MAST3: variants seen among roughly 807,000 people sequenced by gnomAD.
The protein encoded by MAST3 is microtubule associated serine/threonine kinase 3, also known as microtubule-associated serine/threonine-protein kinase 3.
MAST3 carries 43 observed loss-of-function variants against 127.0 expected under a neutral mutation model. The ratio of observed to expected loss-of-function variants is 0.34; its 90% CI spans 0.27 to 0.44. The LOEUF (loss-of-function observed/expected upper bound fraction) is 0.44, where lower values mean the gene tolerates loss of function less well. Among genes scored for constraint, MAST3 ranks in the 20% least tolerant of loss-of-function variants. The pLI is 1.00. For synonymous variants in MAST3, 785 were observed against 809.2 expected (o/e 0.97, Z 0.51); for missense variants, 1,390 against 1,919.1 (o/e 0.72, Z 5.15).
In MAST3 at chr19:18,139,080, A is replaced by G. The variant is rs769093451; in HGVS notation, c.2161A>G (p.Thr721Ala). ...DDETNDEESS[T>A]EIPQFSSCSH... Reference sequence around the variant, plus strand: ...CGAGACCAATGATGAAGAATCGTCCACAGAGATCCCCCAGTTCTCCTCCTG... The same window carrying G: ...CGAGACCAATGATGAAGAATCGTCCGCAGAGATCCCCCAGTTCTCCTCCTG... The change falls in exon 20 of 28, where the codon ACA becomes GCA. Residue 721 changes from threonine to alanine, a missense_variant. Around this residue, in one of 5 missense-constraint regions of MAST3, gnomAD observed 816 missense variants for 934.1 expected, o/e 0.87. Coordinates refer to ENST00000687212, the MANE Select transcript of MAST3 (RefSeq NM_001393504.1). The G allele has an allele frequency of 3.7e-6, 6 of 1,605,402 alleles. No homozygotes were observed. In the South Asian group the frequency reaches 6.7e-5, roughly 18 times the overall value.
intron 1 of MAST3, among the ~76,000 whole-genome samples, chr19:18,101,336 T>TTCCTCC (rs147438175): frequency 5.6e-4 from 80 of 144,112 alleles, no homozygotes; most frequent in South Asian, 8.7e-4. Flanking sequence ...TCCACTTATT[T>TTCCTCC]TCCTCCTCCT....
At chr19:18,139,188 G>A (rs891331398) in intron 20 of MAST3, 64 bp downstream of exon 20, 43 of 1,245,232 alleles carry the variant, frequency 3.5e-5, no homozygotes, top group African/African-American at 1.0e-4. Flanking sequence ...GTTTGCTTTC[G>A]TATCTGTTTT....
At chr19:18,133,312 T>C (rs776049160) in intron 15 of MAST3, among the ~76,000 whole-genome samples, 2 of 152,178 alleles carry the variant, frequency 1.3e-5, no homozygotes, top group Admixed American at 6.6e-5. Context: ...ACCAGGTGTA[T>C]ACAAAATAGG....
At chr19:18,133,685 C>T (rs545617257) in intron 15 of MAST3, among the ~76,000 whole-genome samples, 10 of 150,928 alleles carry the variant, frequency 6.6e-5, no homozygotes, top group Non-Finnish European at 1.2e-4. Context: ...TTCCAATTAG[C>T]TGGGATTACA....
At chr19:18,128,254 G>A in intron 11 of MAST3, 146 bp from the exon 12 acceptor site, 2 of 601,260 alleles carry the variant, frequency 3.3e-6, no homozygotes, top group East Asian at 5.5e-5. Context: ...TCCCGGATGT[G>A]GCTTCATGAC....
chr19:18,142,571 C>T (rs934754201), intron 21 of MAST3, among the ~76,000 whole-genome samples: 4 of 151,486 alleles, frequency 2.6e-5, no homozygotes, highest in Non-Finnish European at 4.4e-5. Context: ...AGGATGGTCT[C>T]GGTCTCCTGA....
chr19:18,127,576 C>T (rs897319275), intron 11 of MAST3, among the ~76,000 whole-genome samples: 1 of 151,906 alleles, frequency 6.6e-6, no homozygotes, highest in Admixed American at 6.6e-5. Flanking sequence ...CCCAGCCACT[C>T]GGGAGGCTGA....
chr19:18,123,564 G>A lies in MAST3; in HGVS notation c.558-16G>A, dbSNP rs752529024. 2.1e-5 allele frequency: 33 copies of A among 1,546,480 alleles called. No homozygotes were observed. Among genetic ancestry groups the A allele is most frequent in the Non-Finnish European group, 2.5e-5 (29 of 1,146,664 alleles). ...GTCTCAGGTCCCATATCACAAGCCAGCTGTCTTCCTTTCAGCCCGGGCCGT... is the reference window on the plus strand; with the variant it reads ...GTCTCAGGTCCCATATCACAAGCCAACTGTCTTCCTTTCAGCCCGGGCCGT... On this transcript the variant is annotated splice_polypyrimidine_tract_variant and intron_variant, in intron 7 of 27. Coordinates refer to ENST00000687212, the MANE Select transcript of MAST3 (RefSeq NM_001393504.1).
chr19:18,142,218 T>G (rs2042566525), intron 21 of MAST3, among the ~76,000 whole-genome samples: 1 of 152,148 alleles, frequency 6.6e-6, no homozygotes, highest in Non-Finnish European at 1.5e-5. Context: ...CTGTGTACCA[T>G]CATGCTGCTA....
chr19:18,099,178 C>T (rs563364198), intron 1 of MAST3, among the ~76,000 whole-genome samples: 192 of 151,600 alleles, frequency 1.3e-3, no homozygotes, highest in African/African-American at 4.3e-3. Context: ...TGCGGGACTG[C>T]GAACTCAGCA....
rs745870316 is a variant in MAST3, at chr19:18,144,012, G to T, written c.2584+5G>T. The T allele has an allele frequency of 1.9e-6, 3 of 1,557,082 alleles. No homozygotes were observed. On this transcript the variant is annotated splice_donor_5th_base_variant and intron_variant, in intron 22 of 27. Coordinates refer to ENST00000687212, the MANE Select transcript of MAST3 (RefSeq NM_001393504.1). This position sits in a 1 kb window ranked among gnomAD's most constrained non-coding sequence, Gnocchi z 4.0. ...CCAAGCCCTCGAGCCTTTCTGGTAA[G>T]TGGGGCCCTGAGTAAGAGGGATGAT...
chr19:18,142,479 G>A (rs572483037), intron 21 of MAST3, among the ~76,000 whole-genome samples: 64 of 150,954 alleles, frequency 4.2e-4, no homozygotes, highest in African/African-American at 1.4e-3. Context: ...AGCCTCCCGA[G>A]TAGCTGGGAC....
intron 3 of MAST3, among the ~76,000 whole-genome samples, chr19:18,119,660 C>G (rs1413471441): frequency 6.6e-6 from 1 of 152,144 alleles, no homozygotes; most frequent in African/African-American, 2.4e-5. Context: ...AGTGTATGTA[C>G]CCGAGTCCGA....
chr19:18,116,545 T>G (rs2039280129), intron 3 of MAST3, among the ~76,000 whole-genome samples: 1 of 148,244 alleles, frequency 6.7e-6, no homozygotes, highest in Non-Finnish European at 1.5e-5. Context: ...TCCGCCCGCT[T>G]CGGCCTCCCA....
chr19:18,142,876 C>T (rs538931959), intron 21 of MAST3, among the ~76,000 whole-genome samples: 1 of 151,766 alleles, frequency 6.6e-6, no homozygotes, highest in Non-Finnish European at 1.5e-5. Flanking sequence ...TTTGGGAAGC[C>T]GAGGCAGGTG....
chr19:18,103,580 T>C (rs1033264669), intron 1 of MAST3, among the ~76,000 whole-genome samples: 43 of 152,234 alleles, frequency 2.8e-4, no homozygotes, highest in African/African-American at 9.6e-4. Flanking sequence ...TTTTGTCTTT[T>C]GGAAGCAACT....
chr19:18,138,848 T>G (rs955718386), intron 19 of MAST3, among the ~76,000 whole-genome samples, 167 bp from the exon 20 acceptor site: 3 of 152,206 alleles, frequency 2.0e-5, no homozygotes, highest in African/African-American at 7.2e-5. Flanking sequence ...ATATCTGCTC[T>G]GCCGCCCAAG....
intron 1 of MAST3, 149 bp from the exon 2 acceptor site, chr19:18,107,438 C>T: frequency 1.2e-6 from 1 of 834,852 alleles, no homozygotes; most frequent in Non-Finnish European, 2.0e-6. Context: ...GCGCAAAGGC[C>T]TTGAGGCAGG....
Position 18,144,975 on chromosome 19 carries a change from G to A in MAST3, c.2813-28G>A. 8.3e-7 allele frequency: 1 copy of A among 1,206,882 alleles called. No homozygotes were observed. The highest frequency in any genetic ancestry group is 1.2e-5 in the South Asian group (1 of 81,804). The allele number at this position is 1,206,882 out of a possible 1,614,324, so 74.8% of individuals were successfully genotyped here. ...CCCCAGGGGAGACCTGTGAGGGAGTGAGTGACCCCCTCCCTAACCCCCTGC... is the reference window on the plus strand; with the variant it reads ...CCCCAGGGGAGACCTGTGAGGGAGTAAGTGACCCCCTCCCTAACCCCCTGC... On this transcript the variant is annotated intron_variant, in intron 23 of 27. Coordinates refer to ENST00000687212, the MANE Select transcript of MAST3 (RefSeq NM_001393504.1). The surrounding 1 kb of genome is among the most constrained non-coding windows in gnomAD (Gnocchi z 4.0).
Sources: gnomAD v4.1 joint callset for allele counts (sites outside exome capture counted in the v4.1 genomes callset) on GRCh38, gnomAD v4.1.1 for gene constraint, gnomAD v4.1.1 regional missense constraint, Gnocchi (gnomAD v3.1) non-coding constraint, MANE v1.5 for transcripts, NCBI Gene and HGNC (gene_info 2026-07-23, HGNC 2026-07-21) for gene names.